TRMU: variants seen among roughly 807,000 people sequenced by gnomAD.
The protein encoded by TRMU is mitochondrial tRNA-specific 2-thiouridylase 1.
A neutral mutation model predicts 46.9 loss-of-function variants in TRMU; 49 were observed. That is an observed-to-expected ratio of 1.05 (90% confidence interval 0.83 to 1.33). The LOEUF (loss-of-function observed/expected upper bound fraction) is 1.33, where lower values mean the gene tolerates loss of function less well. Ranked by LOEUF, TRMU falls within the 40% of genes most tolerant of loss-of-function variation. TRMU has a pLI of 0.00. For synonymous variants in TRMU, 241 were observed against 200.9 expected (o/e 1.20, Z -1.69); for missense variants, 572 against 532.4 (o/e 1.07, Z -0.73).
Position 46,343,385 on chromosome 22 carries a change from T to G in TRMU, c.355+17T>G. ...ATAATCTTGGTAAGTAATTTGGGTTTAAAACATTTTTTTTTTTAAAGACAG... is the reference window on the plus strand; with the variant it reads ...ATAATCTTGGTAAGTAATTTGGGTTGAAAACATTTTTTTTTTTAAAGACAG... On this transcript the variant is annotated intron_variant, in intron 3 of 10. Transcript: ENST00000645190. 1 of 1,595,796 alleles carries G rather than the reference T, an allele frequency of 6.3e-7. No homozygotes were observed. The highest frequency in any genetic ancestry group is 8.6e-7 in the Non-Finnish European group (1 of 1,163,824).
At position 46,349,393 on chromosome 22, in the gene TRMU, GGGAATCGGCAGAT is replaced by G. The variant is rs1212855486; in HGVS notation, c.479-893_479-881del. On this transcript the variant is annotated intron_variant, in intron 4 of 10. Coordinates refer to ENST00000645190, the MANE Select transcript of TRMU (RefSeq NM_018006.5). This position sits in a 1 kb window ranked among gnomAD's most constrained non-coding sequence, Gnocchi z 4.6. ...GAATTCTCCCTCTCACGGCTAACGTGGGAATCGGCAGATGGAAAACACTAGCTACGCAGAGTGT... is the reference window on the plus strand; with the variant it reads ...GAATTCTCCCTCTCACGGCTAACGTGGGAAAACACTAGCTACGCAGAGTGT... Among the ~76,000 whole-genome samples, 1 of 151,624 alleles carries G rather than the reference GGGAATCGGCAGAT, an allele frequency of 6.6e-6. No individual in the cohort carries two copies. The highest frequency in any genetic ancestry group is 2.4e-5 in the African/African-American group (1 of 40,890).
At position 46,339,585 on chromosome 22, in the gene TRMU, G is replaced by C. The variant is rs1178599640; in HGVS notation, c.248+1641G>C. Among the ~76,000 whole-genome samples the C allele has an allele frequency of 6.6e-6, 1 of 152,126 alleles. No individual in the cohort carries two copies. Among genetic ancestry groups the C allele is most frequent in the Non-Finnish European group, 1.5e-5 (1 of 68,024 alleles). ...CATCGGGTACAATGTCCACTGCTTG[G>C]GTGACGGGTACACCAAAATCTCAGA... On this transcript the variant is annotated intron_variant, in intron 2 of 10. Coordinates refer to ENST00000645190, the MANE Select transcript of TRMU (RefSeq NM_018006.5). This position sits in a 1 kb window ranked among gnomAD's most constrained non-coding sequence, Gnocchi z 4.8.
chr22:46,337,733 G>A (rs756522696), intron 1 of TRMU, 46 bp from the exon 2 acceptor site: 14 of 1,612,152 alleles, frequency 8.7e-6, no homozygotes, highest in South Asian at 7.7e-5. Flanking sequence ...CCGTTTTACC[G>A]AAGGTTGATT....
intron 1 of TRMU, among the ~76,000 whole-genome samples, chr22:46,337,156 G>A (rs1294122581): frequency 6.6e-6 from 1 of 152,172 alleles, no homozygotes; most frequent in Non-Finnish European, 1.5e-5. Flanking sequence ...TTCTTCAGCA[G>A]TCATTTGCCC....
chr22:46,338,573 G>A lies in TRMU; in HGVS notation c.248+629G>A, dbSNP rs2078040299. ...ATGCTATCAGTCACTGAACCCAGAG[G>A]AGGGAGAAACTTGCAGTGTGGAGTA... On this transcript the variant is annotated intron_variant, in intron 2 of 10. Coordinates refer to ENST00000645190, the MANE Select transcript of TRMU (RefSeq NM_018006.5). The surrounding 1 kb of genome is among the most constrained non-coding windows in gnomAD (Gnocchi z 4.5). 6.6e-6 allele frequency among the ~76,000 whole-genome samples: 1 copy of A among 152,230 alleles called. No individual in the cohort carries two copies. The highest frequency in any genetic ancestry group is 1.9e-4 in the East Asian group (1 of 5,186).
chr22:46,355,630 T>G, intron 9 of TRMU, 42 bp downstream of exon 9: 1 of 1,613,082 alleles, frequency 6.2e-7, no homozygotes, highest in Non-Finnish European at 8.5e-7. Flanking sequence ...CCCTTGAAGC[T>G]GAGCTTCCTG....
Position 46,350,370 on chromosome 22 carries a change from G to A in TRMU, c.558G>A (p.Arg186=), listed in dbSNP as rs775554956. Residue 186 remains arginine (R), a synonymous_variant, in exon 5 of 11, where the codon AGG becomes AGA. Transcript: ENST00000645190. The surrounding 1 kb of genome is among the most constrained non-coding windows in gnomAD (Gnocchi z 4.6). ...FLSQVSQDAL[R]RTIFPLGGLT... Reference sequence around the variant, plus strand: ...GCCAGGTTTCCCAGGATGCCCTGAGGAGAACCATCTTCCCTCTGGGGGGAT... The same window carrying A: ...GCCAGGTTTCCCAGGATGCCCTGAGAAGAACCATCTTCCCTCTGGGGGGAT... 6.2e-7 allele frequency: 1 copy of A among 1,614,216 alleles called. No homozygotes were observed. Among genetic ancestry groups the A allele is most frequent in the Non-Finnish European group, 8.5e-7 (1 of 1,180,046 alleles).
chr22:46,345,149 C>T (rs2078218781), intron 3 of TRMU, among the ~76,000 whole-genome samples: 1 of 152,116 alleles, frequency 6.6e-6, no homozygotes, highest in African/African-American at 2.4e-5. Context: ...CGGCTCACTG[C>T]AACCTCCACC....
rs1368692087 is a variant in TRMU at position 46,348,299 on chromosome 22, GC to G, written c.478+1758del. Among the ~76,000 whole-genome samples, 1 of 152,236 alleles carries G rather than the reference GC, an allele frequency of 6.6e-6. No homozygotes were observed. Among genetic ancestry groups the G allele is most frequent in the Non-Finnish European group, 1.5e-5 (1 of 68,052 alleles). ...CATCGACCTTTATTATAGGCCACGT[GC>G]CCTCGGAAACTTGGGACAGTACTGA... On this transcript the variant is annotated intron_variant, in intron 4 of 10. Coordinates refer to ENST00000645190, the MANE Select transcript of TRMU (RefSeq NM_018006.5). The surrounding 1 kb of genome is among the most constrained non-coding windows in gnomAD (Gnocchi z 4.8).
At position 46,349,534 on chromosome 22, in the gene TRMU, G is replaced by GAGAA. The variant is rs1415863652; in HGVS notation, c.479-753_479-750dup. ...GTGTAACTCGAAAGGAGAAGTTTAT[G>GAGAA]AGAAAGATTGAAAGAAGCCAGAAAA... is the stretch of plus-strand genomic sequence containing the variant. On this transcript the variant is annotated intron_variant, in intron 4 of 10. Coordinates refer to ENST00000645190, the MANE Select transcript of TRMU (RefSeq NM_018006.5). This position sits in a 1 kb window ranked among gnomAD's most constrained non-coding sequence, Gnocchi z 4.6. Among the ~76,000 whole-genome samples, 1 of 152,240 alleles carries GAGAA rather than the reference G, an allele frequency of 6.6e-6. No individual in the cohort carries two copies. The highest frequency in any genetic ancestry group is 1.5e-5 in the Non-Finnish European group (1 of 68,036).
intron 3 of TRMU, among the ~76,000 whole-genome samples, chr22:46,345,707 T>C (rs977903717): frequency 1.3e-5 from 2 of 152,146 alleles, no homozygotes; most frequent in African/African-American, 2.4e-5. Flanking sequence ...ACCCCCATTG[T>C]TACGGCAGTG....
intron 8 of TRMU, 87 bp downstream of exon 8, chr22:46,353,954 A>G: frequency 1.6e-6 from 2 of 1,282,300 alleles, no homozygotes; most frequent in Non-Finnish European, 2.3e-6. Flanking sequence ...GAAGGCCTCC[A>G]GCAGCCGTGG....
rs749064102 is a variant in TRMU, at chr22:46,353,912, A to G, written c.873+45A>G. 6 of 1,586,116 alleles carry G rather than the reference A, an allele frequency of 3.8e-6. No individual in the cohort carries two copies. The Admixed American group carries it at 5.0e-5, about 13-fold the overall frequency. On this transcript the variant is annotated intron_variant, in intron 8 of 10. Coordinates refer to ENST00000645190, the MANE Select transcript of TRMU (RefSeq NM_018006.5). Reference sequence around the variant, plus strand: ...AGACAGCACTGGGGCTGGTTCTGGCAGGGCCAGCAGTGCTTCCAGACCAGG... The same window carrying G: ...AGACAGCACTGGGGCTGGTTCTGGCGGGGCCAGCAGTGCTTCCAGACCAGG...
At chr22:46,343,976 G>C (rs1202159274) in intron 3 of TRMU, among the ~76,000 whole-genome samples, 1 of 152,110 alleles carries the variant, frequency 6.6e-6, no homozygotes, top group Non-Finnish European at 1.5e-5. Flanking sequence ...AAGCTGAGTT[G>C]ATGATAATGA....
chr22:46,349,587 T>C lies in TRMU; in HGVS notation c.479-704T>C, dbSNP rs1354989051. Reference sequence around the variant, plus strand: ...GACGTTCGTCTTAGTTTTTTGCCATTGATCATTGAACTCGAGAGTGGAGAA... The same window carrying C: ...GACGTTCGTCTTAGTTTTTTGCCATCGATCATTGAACTCGAGAGTGGAGAA... On this transcript the variant is annotated intron_variant, in intron 4 of 10. Coordinates refer to ENST00000645190, the MANE Select transcript of TRMU (RefSeq NM_018006.5). This position sits in a 1 kb window ranked among gnomAD's most constrained non-coding sequence, Gnocchi z 4.6. Among the ~76,000 whole-genome samples, 3 of 152,206 alleles carry C rather than the reference T, an allele frequency of 2.0e-5. No individual in the cohort carries two copies. The highest frequency in any genetic ancestry group is 4.4e-5 in the Non-Finnish European group (3 of 68,032).
rs372122484 is a variant in TRMU at position 46,352,178 on chromosome 22, C to T, written c.705+4C>T. On this transcript the variant is annotated splice_donor_region_variant and intron_variant, in intron 6 of 10. Transcript: ENST00000645190. ...TTTTGAACATTTCCTTCTTCAGGTG[C>T]GTGCTGCTCTTTGACACAAAGAGAT... The T allele has an allele frequency of 2.5e-5, 40 of 1,614,050 alleles. No individual in the cohort carries two copies. The highest frequency in any genetic ancestry group is 2.5e-5 in the Non-Finnish European group (29 of 1,180,022).
intron 8 of TRMU, 99 bp from the exon 9 acceptor site, chr22:46,355,345 G>A: frequency 6.6e-7 from 1 of 1,510,858 alleles, no homozygotes; most frequent in Non-Finnish European, 9.0e-7. Flanking sequence ...ACCTGTGTGT[G>A]TGTGTGCTGG....
chr22:46,346,982 T>G (rs915218786), intron 4 of TRMU, among the ~76,000 whole-genome samples: 5 of 152,256 alleles, frequency 3.3e-5, no homozygotes, highest in Admixed American at 6.5e-5. Flanking sequence ...GTGGATCGCA[T>G]GGGCTCAGCA....
chr22:46,349,319 ATATGT>A lies in TRMU; in HGVS notation c.479-971_479-967del, dbSNP rs2078343415. 1.3e-5 allele frequency among the ~76,000 whole-genome samples: 2 copies of A among 152,168 alleles called. No individual in the cohort carries two copies. The highest frequency in any genetic ancestry group is 4.8e-5 in the African/African-American group (2 of 41,452). ...CCACCTGCATCACTTTGGGCGAGTC[ATATGT>A]GATGAACTGGGCCGGCTCCAGTCTC... On this transcript the variant is annotated intron_variant, in intron 4 of 10. Coordinates refer to ENST00000645190, the MANE Select transcript of TRMU (RefSeq NM_018006.5). The surrounding 1 kb of genome is among the most constrained non-coding windows in gnomAD (Gnocchi z 4.6).
Sources: gnomAD v4.1 joint callset for allele counts (sites outside exome capture counted in the v4.1 genomes callset) on GRCh38, gnomAD v4.1.1 for gene constraint, Gnocchi (gnomAD v3.1) non-coding constraint, MANE v1.5 for transcripts, NCBI Gene and HGNC (gene_info 2026-07-23, HGNC 2026-07-21) for gene names.